The following GALNT13 variants were observed in gnomAD, a reference collection of about 807,000 sequenced individuals.
GALNT13 encodes polypeptide N-acetylgalactosaminyltransferase 13, also known as UDP-GalNAc:polypeptide N-acetylgalactosaminyltransferase 13.
In GALNT13, 28 loss-of-function variants were observed where a neutral mutation model predicts 64.2. That is an observed-to-expected ratio of 0.44 (90% CI 0.32 to 0.60). The LOEUF (loss-of-function observed/expected upper bound fraction) is 0.60, where lower values mean the gene tolerates loss of function less well. Among genes scored for constraint, GALNT13 ranks in the 20% least tolerant of loss-of-function variants. The pLI, the probability that GALNT13 is intolerant of heterozygous loss-of-function variation, is 0.05. For missense variants in GALNT13, 577 were observed against 669.8 expected (o/e 0.86, Z 1.53); for synonymous variants, 214 against 224.6 (o/e 0.95, Z 0.42).
chr2:153,963,362 A>G (rs895404336), intron 3 of GALNT13, among the ~76,000 whole-genome samples: 1 of 152,168 alleles, frequency 6.6e-6, no homozygotes, highest in Non-Finnish European at 1.5e-5. Context: ...TCTTTTCATT[A>G]TTATGAATAA....
intron 3 of GALNT13, among the ~76,000 whole-genome samples, chr2:154,119,746 T>A (rs1421593139): frequency 6.6e-6 from 1 of 152,182 alleles, no homozygotes; most frequent in African/African-American, 2.4e-5. Flanking sequence ...TTCTGGTGTA[T>A]TTTTTATCTC....
chr2:153,348,867 C>T, the GALNT13 span, among the ~76,000 whole-genome samples: 4,763 of 152,302 alleles, frequency 0.031, 125 homozygotes, highest in Middle Eastern at 0.041. Flanking sequence ...TGAGAGCCAG[C>T]ATCACAGAGC....
upstream of GALNT13, among the ~76,000 whole-genome samples, chr2:153,869,035 C>T (rs999017564): frequency 6.6e-6 from 1 of 152,122 alleles, no homozygotes; most frequent in Non-Finnish European, 1.5e-5. Context: ...TTAACACATA[C>T]CCCTCACCAA....
Position 153,943,307 on chromosome 2 carries a change from T to C in GALNT13, c.-104-1087T>C, listed in dbSNP as rs919444898. ...TAAATCATTTATGTTAATATATTTT[T>C]CCCCTGATAAATTGGATGCGTGCTA... is the stretch of plus-strand genomic sequence containing the variant. On this transcript the variant is annotated intron_variant, in intron 2 of 12. Coordinates refer to ENST00000392825, the MANE Select transcript of GALNT13 (RefSeq NM_052917.4). Among the ~76,000 whole-genome samples the C allele has an allele frequency of 3.3e-5, 5 of 152,140 alleles. No individual in the cohort carries two copies. The South Asian group carries it at 1.0e-3, about 31-fold the overall frequency.
intron 3 of GALNT13, among the ~76,000 whole-genome samples, chr2:154,132,203 A>C (rs925910293): frequency 6.6e-6 from 1 of 152,168 alleles, no homozygotes; most frequent in Non-Finnish European, 1.5e-5. Flanking sequence ...TCAAGTTGAC[A>C]CTCAATATTA....
At chr2:153,241,657 A>ATGTG in the GALNT13 span, among the ~76,000 whole-genome samples, 19,630 of 150,764 alleles carry the variant, frequency 0.13, 1,599 homozygotes, top group Non-Finnish European at 0.18. Flanking sequence ...CTGTGTGTGT[A>ATGTG]TGTGTATGTG....
chr2:153,775,964 C>T, the GALNT13 span, among the ~76,000 whole-genome samples: 1 of 152,028 alleles, frequency 6.6e-6, no homozygotes. Context: ...GAAACTTTGT[C>T]CATAATAAAT....
chr2:153,247,924 C>A, the GALNT13 span, among the ~76,000 whole-genome samples: 24 of 152,212 alleles, frequency 1.6e-4, no homozygotes, highest in East Asian at 3.1e-3. Context: ...TCAGAAAATA[C>A]GATAAACAGC....
intron 3 of GALNT13, among the ~76,000 whole-genome samples, chr2:153,990,983 T>G (rs1288999312): frequency 1.3e-5 from 2 of 152,164 alleles, no homozygotes; most frequent in Non-Finnish European, 2.9e-5. Flanking sequence ...GTGCCCATGG[T>G]TCTGATGAAA....
intron 9 of GALNT13, among the ~76,000 whole-genome samples, chr2:154,353,235 G>A (rs1696512054): frequency 6.6e-6 from 1 of 151,926 alleles, no homozygotes. Flanking sequence ...TATATTCATG[G>A]AACCCCTGTA....
intron 9 of GALNT13, among the ~76,000 whole-genome samples, chr2:154,380,040 T>C (rs944273879): frequency 6.6e-6 from 1 of 152,052 alleles, no homozygotes; most frequent in Non-Finnish European, 1.5e-5. Context: ...AAAAGTGGAA[T>C]AAATAAGACA....
chr2:154,157,727 C>G (rs1355218330), intron 4 of GALNT13, among the ~76,000 whole-genome samples: 2 of 152,152 alleles, frequency 1.3e-5, no homozygotes, highest in African/African-American at 4.8e-5. Context: ...CTGCAATTGA[C>G]TTTTATCCCC....
intron 1 of GALNT13, among the ~76,000 whole-genome samples, chr2:153,885,876 C>CA (rs748170607): frequency 1.3e-5 from 2 of 152,014 alleles, no homozygotes; most frequent in Admixed American, 6.6e-5. Flanking sequence ...GTAGTTCCCA[C>CA]AAAAAAATTT....
At chr2:153,370,595 G>A in the GALNT13 span, 2 of 152,084 alleles carry the variant, frequency 1.3e-5, no homozygotes, top group Admixed American at 6.6e-5. Flanking sequence ...AAAAGCATTC[G>A]ATGCCTTGTC....
chr2:153,814,347 G>A, the GALNT13 span, among the ~76,000 whole-genome samples: 1 of 152,210 alleles, frequency 6.6e-6, no homozygotes, highest in Admixed American at 6.5e-5. Flanking sequence ...GGCTGAGGCA[G>A]GAGAATGGCG....
chr2:153,249,873 A>G, the GALNT13 span, among the ~76,000 whole-genome samples: 4 of 152,238 alleles, frequency 2.6e-5, no homozygotes, highest in African/African-American at 9.6e-5. Flanking sequence ...TACAAAAATT[A>G]ATTCATGTTG....
chr2:153,338,682 A>T, the GALNT13 span, among the ~76,000 whole-genome samples: 3 of 152,196 alleles, frequency 2.0e-5, no homozygotes, highest in East Asian at 5.8e-4. Context: ...ATATATTGTT[A>T]TTAACTACAG....
the GALNT13 span, among the ~76,000 whole-genome samples, chr2:153,427,672 G>C: frequency 2.6e-5 from 4 of 152,180 alleles, no homozygotes; most frequent in South Asian, 6.2e-4. Context: ...CATATTGTTT[G>C]CATCATATGA....
chr2:154,284,333 T>A (rs1692135671), intron 8 of GALNT13, among the ~76,000 whole-genome samples: 2 of 152,138 alleles, frequency 1.3e-5, no homozygotes, highest in African/African-American at 4.8e-5. Context: ...CTCTTCTAGA[T>A]TCCTCATGTA....
Sources: gnomAD v4.1 joint callset for allele counts (sites outside exome capture counted in the v4.1 genomes callset) on GRCh38, gnomAD v4.1.1 for gene constraint, MANE v1.5 for transcripts, NCBI Gene and HGNC (gene_info 2026-07-23, HGNC 2026-07-21) for gene names.